LHFPL3: variants seen among roughly 807,000 people sequenced by gnomAD.
LHFPL3 encodes LHFPL tetraspan subfamily member 3.
In LHFPL3, 5 loss-of-function variants were observed where a neutral mutation model predicts 19.3. That is an observed-to-expected ratio of 0.26 (90% CI 0.14 to 0.54). The LOEUF is 0.54. Ranked by LOEUF, LHFPL3 falls within the 20% of genes least tolerant of loss-of-function variation. LHFPL3 has a pLI of 0.94. For missense variants in LHFPL3, 249 were observed against 307.4 expected (o/e 0.81, Z 1.42); for synonymous variants, 133 against 126.2 (o/e 1.05, Z -0.36).
chr7:104,681,082 A>C (rs941781017), intron 1 of LHFPL3, among the ~76,000 whole-genome samples: 3 of 151,894 alleles, frequency 2.0e-5, no homozygotes, highest in African/African-American at 7.3e-5. Context: ...TTTACTTATT[A>C]AGCACTTATT....
At chr7:104,631,483 T>TGG (rs1584450827) in intron 1 of LHFPL3, among the ~76,000 whole-genome samples, 1 of 152,070 alleles carries the variant, frequency 6.6e-6, no homozygotes, top group East Asian at 1.9e-4. Context: ...AAGTAAAGGA[T>TGG]AGAGGAAGAA....
At chr7:104,612,425 A>G (rs1444635506) in intron 1 of LHFPL3, among the ~76,000 whole-genome samples, 1 of 152,146 alleles carries the variant, frequency 6.6e-6, no homozygotes, top group Admixed American at 6.6e-5. Flanking sequence ...ATGGACATCC[A>G]AGAGGCAAAA....
At chr7:104,350,307 T>C (rs6465981) in intron 1 of LHFPL3, among the ~76,000 whole-genome samples, 25,016 of 152,154 alleles carry the variant, frequency 0.16, 2,447 homozygotes, top group South Asian at 0.29. Context: ...TCTCTATCAT[T>C]GTAGCAAGTT....
intron 1 of LHFPL3, among the ~76,000 whole-genome samples, chr7:104,393,668 A>T (rs1051119667): frequency 7.9e-5 from 12 of 152,300 alleles, no homozygotes; most frequent in Middle Eastern, 6.8e-3. Context: ...GTGAGCCGAG[A>T]CCATGCCACT....
At chr7:104,539,456 AACTTAAT>A in intron 1 of LHFPL3, among the ~76,000 whole-genome samples, 1 of 152,326 alleles carries the variant, frequency 6.6e-6, no homozygotes. Context: ...TAGGGCATAA[AACTTAAT>A]ACTTAATGGC....
intron 1 of LHFPL3, among the ~76,000 whole-genome samples, chr7:104,533,726 T>C (rs1023108584): frequency 6.6e-6 from 1 of 152,234 alleles, no homozygotes; most frequent in Non-Finnish European, 1.5e-5. Context: ...CTTGTCCAAC[T>C]GGTTCAGGGA....
chr7:104,887,524 T>A (rs1792171939), intron 2 of LHFPL3, among the ~76,000 whole-genome samples: 1 of 152,252 alleles, frequency 6.6e-6, no homozygotes, highest in Non-Finnish European at 1.5e-5. Flanking sequence ...GACTGAGGAC[T>A]GCTAGAGGTA....
chr7:104,684,528 T>C (rs921055532), intron 1 of LHFPL3, among the ~76,000 whole-genome samples: 5 of 152,260 alleles, frequency 3.3e-5, no homozygotes, highest in African/African-American at 1.2e-4. Context: ...ATAATTTTCA[T>C]GTGTTACTAT....
intron 1 of LHFPL3, among the ~76,000 whole-genome samples, chr7:104,366,307 G>C (rs1438066534): frequency 6.6e-6 from 1 of 152,204 alleles, no homozygotes; most frequent in Non-Finnish European, 1.5e-5. Context: ...TGGAGGAAGA[G>C]GGGAACAGAG....
intron 1 of LHFPL3, among the ~76,000 whole-genome samples, chr7:104,654,264 C>T (rs545150338): frequency 3.3e-5 from 5 of 152,052 alleles, no homozygotes; most frequent in Admixed American, 2.0e-4. Context: ...ATTCAAGGGC[C>T]GACCAGCAGA....
At chr7:104,332,016 C>T (rs1459628291) in intron 1 of LHFPL3, among the ~76,000 whole-genome samples, 2 of 151,606 alleles carry the variant, frequency 1.3e-5, no homozygotes, top group Admixed American at 1.3e-4. Context: ...GTAGTCTTCT[C>T]CTACCTATTT....
intron 1 of LHFPL3, among the ~76,000 whole-genome samples, chr7:104,471,864 G>C (rs1338156850): frequency 1.3e-5 from 2 of 152,132 alleles, no homozygotes; most frequent in Admixed American, 6.5e-5. Context: ...TTAATGCTTT[G>C]CTCAAATATT....
intron 1 of LHFPL3, among the ~76,000 whole-genome samples, chr7:104,603,241 G>C (rs1435782723): frequency 6.7e-6 from 1 of 149,938 alleles, no homozygotes; most frequent in Non-Finnish European, 1.5e-5. Context: ...TGTTGCCCCA[G>C]CTGGAGTACA....
At chr7:104,446,742 A>AT (rs1268928864) in intron 1 of LHFPL3, among the ~76,000 whole-genome samples, 1 of 151,568 alleles carries the variant, frequency 6.6e-6, no homozygotes, top group Middle Eastern at 3.2e-3. Context: ...TGCCCAGCTA[A>AT]TTTTTTTATA....
intron 1 of LHFPL3, among the ~76,000 whole-genome samples, chr7:104,340,525 A>G (rs902773423): frequency 6.6e-6 from 1 of 152,210 alleles, no homozygotes; most frequent in African/African-American, 2.4e-5. Context: ...TCCTACTACT[A>G]CTAAAGAGAT....
At chr7:104,519,928 G>T (rs528200293) in intron 1 of LHFPL3, among the ~76,000 whole-genome samples, 2 of 151,780 alleles carry the variant, frequency 1.3e-5, no homozygotes, top group Admixed American at 6.6e-5. Context: ...CCTATTTCTC[G>T]GGACTTCTGC....
chr7:104,364,265 G>A (rs902141696), intron 1 of LHFPL3, among the ~76,000 whole-genome samples: 1 of 152,156 alleles, frequency 6.6e-6, no homozygotes, highest in Non-Finnish European at 1.5e-5. Context: ...TGGTGAGGGT[G>A]GGGGGACTTG....
chr7:104,620,048 C>T (rs1791416365), intron 1 of LHFPL3, among the ~76,000 whole-genome samples: 1 of 152,180 alleles, frequency 6.6e-6, no homozygotes, highest in South Asian at 2.1e-4. Context: ...CCATAATGCT[C>T]ACTTGCCTGC....
At chr7:104,756,657 A>G (rs927077210) in intron 2 of LHFPL3, among the ~76,000 whole-genome samples, 3 of 151,964 alleles carry the variant, frequency 2.0e-5, no homozygotes, top group African/African-American at 7.3e-5. Context: ...GCTCCACCAC[A>G]CCTGGCTAAT....
Sources: gnomAD v4.1 joint callset for allele counts (sites outside exome capture counted in the v4.1 genomes callset) on GRCh38, gnomAD v4.1.1 for gene constraint, MANE v1.5 for transcripts, NCBI Gene and HGNC (gene_info 2026-07-23, HGNC 2026-07-21) for gene names.